PTPRZ1: variants seen among roughly 807,000 people sequenced by gnomAD.
PTPRZ1 encodes the protein receptor-type tyrosine-protein phosphatase zeta.
Under a neutral mutation model 214.1 loss-of-function variants are expected in PTPRZ1, and 82 were observed. The ratio of observed to expected loss-of-function variants is 0.38; its 90% CI spans 0.32 to 0.46. The LOEUF is 0.46. PTPRZ1 is among the 20% of genes least tolerant of loss of function. The pLI is 1.00. For missense variants in PTPRZ1, 2,603 were observed against 2,748.7 expected (o/e 0.95, Z 1.19); for synonymous variants, 945 against 987.9 (o/e 0.96, Z 0.81).
intron 1 of PTPRZ1, among the ~76,000 whole-genome samples, chr7:121,900,910 A>G (rs1342599197): frequency 3.9e-5 from 6 of 152,156 alleles, no homozygotes; most frequent in African/African-American, 1.2e-4. Flanking sequence ...TTTTCCATTT[A>G]TCATGTAGTT....
At chr7:121,959,159 A>G (rs1389459534) in intron 2 of PTPRZ1, among the ~76,000 whole-genome samples, 1 of 152,114 alleles carries the variant, frequency 6.6e-6, no homozygotes, top group Non-Finnish European at 1.5e-5. Flanking sequence ...ATAATGCTAA[A>G]AGGAATTTGT....
intron 13 of PTPRZ1, chr7:122,028,177 C>T (rs1193853806): frequency 6.1e-6 from 1 of 163,394 alleles, no homozygotes; most frequent in African/African-American, 2.4e-5. Context: ...TTCTTTTCTT[C>T]TCTGGCTCTA....
intron 6 of PTPRZ1, among the ~76,000 whole-genome samples, chr7:121,982,742 T>C (rs931695643): frequency 2.0e-5 from 3 of 152,132 alleles, no homozygotes; most frequent in African/African-American, 7.2e-5. Flanking sequence ...CTAATTTCAC[T>C]TATTATTTCT....
intron 1 of PTPRZ1, among the ~76,000 whole-genome samples, chr7:121,882,453 A>G (rs1794271141): frequency 6.6e-6 from 1 of 152,190 alleles, no homozygotes; most frequent in Admixed American, 6.5e-5. Context: ...CATCAGAGGG[A>G]TTAAGGTTGG....
At chr7:122,000,789 C>T (rs1316598836) in intron 10 of PTPRZ1, among the ~76,000 whole-genome samples, 1 of 148,878 alleles carries the variant, frequency 6.7e-6, no homozygotes, top group Non-Finnish European at 1.5e-5. Flanking sequence ...TGGGTTCAAG[C>T]GATTCTCCTG....
intron 1 of PTPRZ1, among the ~76,000 whole-genome samples, chr7:121,901,527 T>A (rs574725482): frequency 1.8e-4 from 28 of 152,324 alleles, no homozygotes; most frequent in African/African-American, 6.5e-4. Flanking sequence ...GATGAAGTAT[T>A]ACACAAGTCA....
chr7:121,876,295 G>C (rs763665935), intron 1 of PTPRZ1, among the ~76,000 whole-genome samples: 6 of 152,186 alleles, frequency 3.9e-5, no homozygotes, highest in Non-Finnish European at 4.4e-5. Context: ...AGTCATAGAG[G>C]AGAGGTAGAT....
At chr7:121,893,251 A>T (rs1393044982) in intron 1 of PTPRZ1, among the ~76,000 whole-genome samples, 1 of 152,174 alleles carries the variant, frequency 6.6e-6, no homozygotes, top group Non-Finnish European at 1.5e-5. Context: ...GCATGCCCAA[A>T]AAAACCCCAA....
intron 2 of PTPRZ1, among the ~76,000 whole-genome samples, chr7:121,967,614 G>A (rs1797083000): frequency 6.6e-6 from 1 of 152,182 alleles, no homozygotes; most frequent in Admixed American, 6.5e-5. Context: ...ATTATGAGAG[G>A]TGGCCATTAG....
In PTPRZ1 at chr7:121,920,345, A is replaced by G. The variant is rs192901776; in HGVS notation, c.59-7811A>G. Among the ~76,000 whole-genome samples the G allele has an allele frequency of 1.1e-3, 160 of 152,294 alleles. 1 individual carries two copies. Among genetic ancestry groups the G allele is most frequent in the African/African-American group, 3.7e-3 (154 of 41,568 alleles). Reference sequence around the variant, plus strand: ...AGATAAGTTAGTAGCATATAATAACATAATACATAAATATAATAACACATT... The same window carrying G: ...AGATAAGTTAGTAGCATATAATAACGTAATACATAAATATAATAACACATT... On this transcript the variant is annotated intron_variant, in intron 1 of 29. Coordinates refer to ENST00000393386, the MANE Select transcript of PTPRZ1 (RefSeq NM_002851.3).
rs749913065 is a variant in PTPRZ1 at position 122,010,553 on chromosome 7, A to G, written c.1507A>G (p.Thr503Ala). 4.3e-6 allele frequency: 7 copies of G among 1,613,440 alleles called. No homozygotes were observed. The highest frequency in any genetic ancestry group is 5.9e-6 in the Non-Finnish European group (7 of 1,179,426). ...TGTTCCCAATACATCTTTAAATTCC[A>G]CTTCCCAACCAGTCACTAAATTAGC... ...GDVPNTSLNSTSQPVTKLATE... is the reference protein window; with the variant it reads ...GDVPNTSLNSASQPVTKLATE... Residue 503 changes from threonine (T) to alanine (A), a missense_variant, in exon 12 of 30, where the codon ACT becomes GCT. Thr to Ala is a moderately conservative substitution (Grantham distance 58). This residue lies in a region of PTPRZ1 where 1,913 missense variants were observed against 1,914.3 expected (regional missense o/e 1.00). Transcript: ENST00000393386.
chr7:121,925,800 C>A (rs999935716), intron 1 of PTPRZ1, among the ~76,000 whole-genome samples: 3 of 152,116 alleles, frequency 2.0e-5, no homozygotes, highest in Non-Finnish European at 4.4e-5. Flanking sequence ...AAATTCATAT[C>A]TTTATGACAA....
rs745632744 is a variant in PTPRZ1 at position 121,972,527 on chromosome 7, A to AT, written c.305-11dup. 7.6e-6 allele frequency: 12 copies of AT among 1,584,354 alleles called. 1 individual carries two copies. The South Asian group carries it at 1.4e-4, about 19-fold the overall frequency. On this transcript the variant is annotated splice_polypyrimidine_tract_variant and intron_variant, in intron 3 of 29. Coordinates refer to ENST00000393386, the MANE Select transcript of PTPRZ1 (RefSeq NM_002851.3). Reference sequence around the variant, plus strand: ...TTTTCAGAAGCTTAGGTGCAATTGTATTTCTTTTTTTAGTGGAAATTAATC... The same window carrying AT: ...TTTTCAGAAGCTTAGGTGCAATTGTATTTTCTTTTTTTAGTGGAAATTAATC...
chr7:122,012,863 T>C lies in PTPRZ1; in HGVS notation c.3817T>C (p.Leu1273=). The C allele has an allele frequency of 6.2e-7, 1 of 1,614,084 alleles. No individual in the cohort carries two copies. The highest frequency in any genetic ancestry group is 1.6e-4 in the Middle Eastern group (1 of 6,062). ...TGCAAGTGAGAAATATGAACCAGTTTTGTTAAAAAGTGAAAGTTCCCACCA... is the reference window on the plus strand; with the variant it reads ...TGCAAGTGAGAAATATGAACCAGTTCTGTTAAAAAGTGAAAGTTCCCACCA... ...SYASEKYEPV[L]LKSESSHQVV... Residue 1273 remains leucine, a synonymous_variant, in exon 12 of 30, where the codon TTG becomes CTG. Coordinates refer to ENST00000393386, the MANE Select transcript of PTPRZ1 (RefSeq NM_002851.3).
At chr7:121,998,883 A>G (rs1279627022) in intron 10 of PTPRZ1, among the ~76,000 whole-genome samples, 1 of 152,162 alleles carries the variant, frequency 6.6e-6, no homozygotes, top group Admixed American at 6.5e-5. Flanking sequence ...GTGAGTGGTT[A>G]CAAATTATAT....
chr7:121,970,243 G>T (rs188774221), intron 3 of PTPRZ1, among the ~76,000 whole-genome samples: 2 of 152,118 alleles, frequency 1.3e-5, no homozygotes, highest in Admixed American at 1.3e-4. Flanking sequence ...GCTATTGTGA[G>T]TAGTGCCACA....
At chr7:121,981,644 A>G (rs1797615929) in intron 6 of PTPRZ1, among the ~76,000 whole-genome samples, 1 of 152,242 alleles carries the variant, frequency 6.6e-6, no homozygotes, top group Non-Finnish European at 1.5e-5. Flanking sequence ...TCAAGGAGAC[A>G]GATATATTTG....
intron 1 of PTPRZ1, among the ~76,000 whole-genome samples, chr7:121,893,393 T>C (rs540839336): frequency 1.3e-5 from 2 of 152,386 alleles, no homozygotes; most frequent in East Asian, 3.9e-4. Flanking sequence ...CAATGTTCTT[T>C]TATCTTGCTC....
At position 122,039,548 on chromosome 7, in the gene PTPRZ1, C is replaced by T; in HGVS notation, c.5597C>T (p.Thr1866Ile). ...QKSVQVLAYY[T>I]VRNFTLRNTK... ...AGTGTGCAAGTGCTTGCCTATTATA[C>T]TGTGAGGAATTTTACTCTAAGAAAC... Residue 1866 changes from threonine to isoleucine, a missense_variant, in exon 20 of 30, where the codon ACT becomes ATT. Physicochemically the swap from Thr to Ile is moderately conservative, Grantham distance 89 (BLOSUM62 -1). Coordinates refer to ENST00000393386, the MANE Select transcript of PTPRZ1 (RefSeq NM_002851.3). The T allele has an allele frequency of 6.2e-7, 1 of 1,613,878 alleles. No homozygotes were observed. Among genetic ancestry groups the T allele is most frequent in the Non-Finnish European group, 8.5e-7 (1 of 1,179,934 alleles).
Sources: allele counts gnomAD v4.1 joint callset (sites outside exome capture counted in the v4.1 genomes callset), GRCh38; gene constraint gnomAD v4.1.1; regional missense constraint gnomAD v4.1.1; transcripts MANE v1.5; gene names NCBI Gene and HGNC (gene_info 2026-07-23, HGNC 2026-07-21).